The following CRYL1 variants were observed in gnomAD, a reference collection of about 807,000 sequenced individuals.
CRYL1 encodes the protein crystallin lambda 1, also known as lambda-crystallin homolog.
A neutral mutation model predicts 36.6 loss-of-function variants in CRYL1; 29 were observed. The observed-to-expected ratio is 0.79, with a 90% CI of 0.59 to 1.08. The LOEUF (loss-of-function observed/expected upper bound fraction) is 1.08. CRYL1 is among the 50% of genes least tolerant of loss of function. The probability of loss-of-function intolerance (pLI) is 0.00; values close to 1 mark genes in which losing one functional copy is unlikely to be tolerated. For missense variants in CRYL1, 411 were observed against 407.9 expected (o/e 1.01, Z -0.06); for synonymous variants, 152 against 151.5 (o/e 1.00, Z -0.02).
At chr13:20,495,987 C>T (rs773490066) in intron 2 of CRYL1, among the ~76,000 whole-genome samples, 5 of 152,146 alleles carry the variant, frequency 3.3e-5, no homozygotes, top group Non-Finnish European at 5.9e-5. Flanking sequence ...TTAGTGGAGA[C>T]GGGTTTTCAC....
intron 3 of CRYL1, among the ~76,000 whole-genome samples, chr13:20,485,706 A>G (rs903082807): frequency 4.0e-5 from 6 of 151,174 alleles, no homozygotes; most frequent in African/African-American, 1.5e-4. Flanking sequence ...AGAAAAGAAA[A>G]GAAATGTGTA....
intron 3 of CRYL1, among the ~76,000 whole-genome samples, chr13:20,447,146 G>A (rs146212885): frequency 6.6e-6 from 1 of 152,140 alleles, no homozygotes; most frequent in East Asian, 1.9e-4. Flanking sequence ...AATCCACTTA[G>A]GACTACTATC....
At chr13:20,496,950 G>A (rs1331141109) in intron 2 of CRYL1, among the ~76,000 whole-genome samples, 2 of 151,946 alleles carry the variant, frequency 1.3e-5, no homozygotes, top group Non-Finnish European at 2.9e-5. Context: ...TGCAAAAGTA[G>A]TCAGGTAAAT....
chr13:20,493,099 G>A (rs1005342154), intron 2 of CRYL1, among the ~76,000 whole-genome samples: 2 of 152,200 alleles, frequency 1.3e-5, no homozygotes, highest in Admixed American at 1.3e-4. Context: ...CACAGACTCG[G>A]GTTGGCTGTT....
At chr13:20,494,604 A>T (rs1243628948) in intron 2 of CRYL1, among the ~76,000 whole-genome samples, 1 of 152,352 alleles carries the variant, frequency 6.6e-6, no homozygotes, top group South Asian at 2.1e-4. Flanking sequence ...TCCAAGCCTT[A>T]GTAGGCCAGC....
At chr13:20,407,512 A>G (rs959404763) in intron 6 of CRYL1, among the ~76,000 whole-genome samples, 1 of 152,156 alleles carries the variant, frequency 6.6e-6, no homozygotes, top group Non-Finnish European at 1.5e-5. Flanking sequence ...AATTACTCTA[A>G]AATGCCAATT....
chr13:20,509,160 CT>C, intron 2 of CRYL1, among the ~76,000 whole-genome samples: 1 of 150,118 alleles, frequency 6.7e-6, no homozygotes, highest in Non-Finnish European at 1.5e-5. Context: ...CGCCATTGCA[CT>C]CCAGCCTGGG....
chr13:20,432,586 C>T (rs1322744917), intron 4 of CRYL1, among the ~76,000 whole-genome samples: 2 of 152,172 alleles, frequency 1.3e-5, no homozygotes, highest in African/African-American at 2.4e-5. Flanking sequence ...CTTCAAGCCC[C>T]TGGCCTCCCC....
intron 2 of CRYL1, among the ~76,000 whole-genome samples, chr13:20,494,287 G>T (rs766702757): frequency 7.9e-5 from 12 of 152,164 alleles, no homozygotes; most frequent in Non-Finnish European, 5.9e-5. Context: ...GTTTAATACT[G>T]CGCCCATTGC....
chr13:20,486,393 C>T (rs887933153), intron 3 of CRYL1, among the ~76,000 whole-genome samples: 4 of 152,130 alleles, frequency 2.6e-5, no homozygotes, highest in Non-Finnish European at 4.4e-5. Flanking sequence ...GGGTCTGTAA[C>T]GTGGCCTTAG....
At chr13:20,409,796 T>C (rs1241405704) in intron 6 of CRYL1, among the ~76,000 whole-genome samples, 8 of 151,518 alleles carry the variant, frequency 5.3e-5, no homozygotes, top group Non-Finnish European at 8.9e-5. Flanking sequence ...TCACCATCAC[T>C]GGCCATCAGA....
In CRYL1 at chr13:20,428,824, G is replaced by A. The variant is rs182964140; in HGVS notation, c.633+3278C>T. Among the ~76,000 whole-genome samples, 12 of 152,242 alleles carry A rather than the reference G, an allele frequency of 7.9e-5. No individual in the cohort carries two copies. The East Asian group carries it at 1.2e-3, about 15-fold the overall frequency. On this transcript the variant is annotated intron_variant, in intron 5 of 7. Coordinates refer to ENST00000298248, the MANE Select transcript of CRYL1 (RefSeq NM_015974.3). The stretch of plus-strand genomic sequence containing the variant: ...TGACCTGCTGACCCAGTACCCACAC[G>A]CCTGGACACAGGCACACAGCTCATT...
At chr13:20,429,692 G>A (rs1203108771) in intron 5 of CRYL1, among the ~76,000 whole-genome samples, 1 of 152,130 alleles carries the variant, frequency 6.6e-6, no homozygotes, top group Non-Finnish European at 1.5e-5. Context: ...ATGGAATACA[G>A]GGCATCCAAG....
At chr13:20,504,833 C>T (rs2033764643) in intron 2 of CRYL1, among the ~76,000 whole-genome samples, 1 of 152,118 alleles carries the variant, frequency 6.6e-6, no homozygotes, top group Non-Finnish European at 1.5e-5. Context: ...ACTAAGATCC[C>T]TTGGCATGGT....
chr13:20,405,659 C>G (rs540704609), intron 6 of CRYL1, among the ~76,000 whole-genome samples: 1 of 152,194 alleles, frequency 6.6e-6, no homozygotes, highest in African/African-American at 2.4e-5. Flanking sequence ...AGCCCCCATG[C>G]ACGCTCCCCA....
chr13:20,505,030 C>T (rs1365008440), intron 2 of CRYL1, among the ~76,000 whole-genome samples: 1 of 152,032 alleles, frequency 6.6e-6, no homozygotes, highest in Non-Finnish European at 1.5e-5. Context: ...ATTTCAACCA[C>T]GTGACATTTT....
intron 2 of CRYL1, among the ~76,000 whole-genome samples, chr13:20,511,355 G>C (rs190525333): frequency 3.3e-5 from 5 of 151,980 alleles, no homozygotes; most frequent in African/African-American, 1.2e-4. Context: ...GCCTCCCAAA[G>C]TGCTGGGATT....
rs1163681319 is a variant in CRYL1 at position 20,481,901 on chromosome 13, G to A, written c.276+7469C>T. On this transcript the variant is annotated intron_variant, in intron 3 of 7. Coordinates refer to ENST00000298248, the MANE Select transcript of CRYL1 (RefSeq NM_015974.3). The surrounding 1 kb of genome is among the most constrained non-coding windows in gnomAD (Gnocchi z 4.1). Reference sequence around the variant, plus strand: ...ACTCCAGCCTGGGTGACAAAGGTGCGACTCCATCTCGAAAGGAAAAAGAAA... The same window carrying A: ...ACTCCAGCCTGGGTGACAAAGGTGCAACTCCATCTCGAAAGGAAAAAGAAA... 2.6e-5 allele frequency among the ~76,000 whole-genome samples: 4 copies of A among 151,950 alleles called. No homozygotes were observed. Among genetic ancestry groups the A allele is most frequent in the Admixed American group, 6.6e-5 (1 of 15,218 alleles).
At chr13:20,434,046 A>G (rs1380015957) in intron 4 of CRYL1, among the ~76,000 whole-genome samples, 1 of 152,016 alleles carries the variant, frequency 6.6e-6, no homozygotes, top group African/African-American at 2.4e-5. Context: ...CCTTGGGCAC[A>G]CCCCAGCACA....
Sources: allele counts gnomAD v4.1 joint callset (sites outside exome capture counted in the v4.1 genomes callset), GRCh38; gene constraint gnomAD v4.1.1; non-coding constraint Gnocchi (gnomAD v3.1); transcripts MANE v1.5; gene names NCBI Gene and HGNC (gene_info 2026-07-23, HGNC 2026-07-21).